The following PCSK9 variants were observed in gnomAD, a reference collection of about 807,000 sequenced individuals.
The protein encoded by PCSK9 is convertase subtilisin/kexin type 9 preproprotein.
In PCSK9, 57 loss-of-function variants were observed where a neutral mutation model predicts 62.1. The ratio of observed to expected loss-of-function variants is 0.92; its 90% CI spans 0.74 to 1.14. The LOEUF (loss-of-function observed/expected upper bound fraction) is 1.14. Among genes scored for constraint, PCSK9 ranks in the 50% most tolerant of loss-of-function variants. PCSK9 has a pLI of 0.00. For missense variants in PCSK9, 870 were observed against 959.8 expected (o/e 0.91, Z 1.24); for synonymous variants, 387 against 409.4 (o/e 0.95, Z 0.66).
Position 55,058,483 on chromosome 1 carries a change from C to G in PCSK9, c.1355-16C>G, listed in dbSNP as rs28385713. 3.3e-5 allele frequency: 53 copies of G among 1,612,114 alleles called. No individual in the cohort carries two copies. The Admixed American group carries it at 6.3e-4, about 19-fold the overall frequency. On this transcript the variant is annotated splice_polypyrimidine_tract_variant and intron_variant, in intron 8 of 11. Transcript: ENST00000302118. Reference sequence around the variant, plus strand: ...CACTCCCAGCACCCCCTCCTCATCCCAGGCCCTTTTTGCAGGTTGGCAGCT... The same window carrying G: ...CACTCCCAGCACCCCCTCCTCATCCGAGGCCCTTTTTGCAGGTTGGCAGCT...
chr1:55,049,827 G>A (rs1484760340), intron 3 of PCSK9, among the ~76,000 whole-genome samples: 1 of 152,236 alleles, frequency 6.6e-6, no homozygotes, highest in Non-Finnish European at 1.5e-5. Context: ...TCCATCTGCC[G>A]CTGGGGCCAC....
intron 5 of PCSK9, among the ~76,000 whole-genome samples, chr1:55,053,376 C>T (rs957036567): frequency 2.0e-5 from 3 of 152,206 alleles, no homozygotes; most frequent in Admixed American, 2.0e-4. Context: ...CTCTCCCTTA[C>T]TGACTTCCTT....
intron 3 of PCSK9, among the ~76,000 whole-genome samples, chr1:55,047,640 C>G (rs1368578532): frequency 6.6e-6 from 1 of 152,148 alleles, no homozygotes; most frequent in Non-Finnish European, 1.5e-5. Context: ...TTGCATACAC[C>G]CAAACTGTGT....
chr1:55,044,225 C>T (rs569539201), intron 2 of PCSK9, among the ~76,000 whole-genome samples, 191 bp downstream of exon 2: 70 of 152,294 alleles, frequency 4.6e-4, no homozygotes, highest in Non-Finnish European at 4.6e-4. Flanking sequence ...CCTGGCCATG[C>T]CCCAGTGGTA....
chr1:55,057,135 C>T (rs1644721463), intron 6 of PCSK9, among the ~76,000 whole-genome samples, 196 bp from the exon 7 acceptor site: 1 of 152,202 alleles, frequency 6.6e-6, no homozygotes, highest in South Asian at 2.1e-4. Context: ...ATGGTAGGGA[C>T]AGAGGGGAGC....
chr1:55,044,297 G>A (rs544937913), intron 2 of PCSK9, among the ~76,000 whole-genome samples: 1 of 152,344 alleles, frequency 6.6e-6, no homozygotes, highest in African/African-American at 2.4e-5. Context: ...CAGACAGCTA[G>A]GGGTAGAGCC....
intron 10 of PCSK9, 31 bp from the exon 11 acceptor site, chr1:55,061,344 T>G: frequency 6.3e-7 from 1 of 1,587,864 alleles, no homozygotes; most frequent in South Asian, 1.2e-5. Flanking sequence ...TCCCAGCATT[T>G]CACATCTGAG....
In PCSK9 at chr1:55,061,375, G is replaced by A. The variant is rs1644757298; in HGVS notation, c.1682G>A (p.Gly561Asp). The A allele has an allele frequency of 1.9e-6, 3 of 1,605,610 alleles. No homozygotes were observed. The highest frequency in any genetic ancestry group is 1.1e-5 in the South Asian group (1 of 88,900). ...CTGAGCTGGCTTTCCTCTGCCCCAG[G>A]CTGCAGCTCCCACTGGGAGGTGGAG... The part of the protein sequence containing the change: ...HCHQQGHVLT[G>D]CSSHWEVEDL... The change falls in exon 11 of 12, where the codon GGC (glycine) becomes GAC (aspartate). Residue 561 changes from glycine (G) to aspartate (D), a missense_variant and splice_region_variant. By Grantham distance (94) the Gly-to-Asp change is moderately conservative. Transcript: ENST00000302118.
rs17111555 is a variant in PCSK9 at position 55,063,929 on chromosome 1, C to T, written c.*345C>T. ...AATGACTTTTATTGAGCTCTTGTTCCGTGCCAGGCATTCAATCCTCAGGTC... is the reference window on the plus strand; with the variant it reads ...AATGACTTTTATTGAGCTCTTGTTCTGTGCCAGGCATTCAATCCTCAGGTC... On this transcript the variant is annotated 3_prime_UTR_variant, in exon 12 of 12. Transcript: ENST00000302118. The T allele has an allele frequency of 0.016, 5,061 of 324,010 alleles. 125 individuals carry two copies. Among genetic ancestry groups the T allele is most frequent in the African/African-American group, 0.061 (2,911 of 47,732 alleles). 20.1% of individuals were successfully genotyped at this position (324,010 alleles called of 1,614,324 possible).
At position 55,058,648 on chromosome 1, in the gene PCSK9, G is replaced by A; in HGVS notation, c.1503+1G>A. 2 of 1,608,592 alleles carry A rather than the reference G, an allele frequency of 1.2e-6. No homozygotes were observed. Among genetic ancestry groups the A allele is most frequent in the Non-Finnish European group, 1.7e-6 (2 of 1,178,716 alleles). On this transcript the variant is annotated splice_donor_variant, in intron 9 of 11. Transcript: ENST00000302118. LOFTEE classifies it high-confidence loss of function. ...GAAGCGGCGGGGCGAGCGCATGGAG[G>A]TGACTGTACCCCTCCTTCGTGTGTG...
In PCSK9 at chr1:55,063,819, A is replaced by C; in HGVS notation, c.*235A>C. The stretch of plus-strand genomic sequence containing the variant: ...GAGGTGCCAGGAAGCTCCCTCCCTC[A>C]CTGTGGGGCATTTCACCATTCAAAC... On this transcript the variant is annotated 3_prime_UTR_variant, in exon 12 of 12. Transcript: ENST00000302118. 1.7e-6 allele frequency: 1 copy of C among 585,790 alleles called. No individual in the cohort carries two copies. Among genetic ancestry groups the C allele is most frequent in the Non-Finnish European group, 3.0e-6 (1 of 329,928 alleles). The allele number at this position is 585,790 out of a possible 1,614,324, so 36.3% of individuals were successfully genotyped here. A position where few individuals can be genotyped will look rare whatever the true frequency, so the allele number is the denominator to read the frequency against.
At chr1:55,042,531 G>A in intron 1 of PCSK9, among the ~76,000 whole-genome samples, 1 of 152,136 alleles carries the variant, frequency 6.6e-6, no homozygotes, top group Admixed American at 6.5e-5. Context: ...CTAAGGCTTT[G>A]GGTAAAGGGG....
chr1:55,048,607 G>C (rs961269090), intron 3 of PCSK9, among the ~76,000 whole-genome samples: 4 of 152,168 alleles, frequency 2.6e-5, no homozygotes, highest in Non-Finnish European at 5.9e-5. Flanking sequence ...GGAGCTGTTG[G>C]GCTGGCATGG....
rs1013576328 is a variant in PCSK9 at position 55,051,335 on chromosome 1, G to A, written c.524-943G>A. On this transcript the variant is annotated intron_variant, in intron 3 of 11. Coordinates refer to ENST00000302118, the MANE Select transcript of PCSK9 (RefSeq NM_174936.4). ...TTCCACCTGAGGCCCTGCTTTTCCT[G>A]GCTGCAGGGGTTCCAGGGCCAGGCC... 6 of 377,704 alleles carry A rather than the reference G, an allele frequency of 1.6e-5. No individual in the cohort carries two copies. The Admixed American group carries it at 2.1e-4, about 13-fold the overall frequency. The allele number at this position is 377,704 out of a possible 1,614,324, so 23.4% of individuals were successfully genotyped here. A position where few individuals can be genotyped will look rare whatever the true frequency, so the allele number is the denominator to read the frequency against.
chr1:55,042,368 T>C, intron 1 of PCSK9, among the ~76,000 whole-genome samples: 1 of 152,364 alleles, frequency 6.6e-6, no homozygotes, highest in East Asian at 1.9e-4. Context: ...GACATGAGAT[T>C]ATTTTTAATT....
At chr1:55,046,723 C>T (rs753353734) in intron 3 of PCSK9, 77 bp downstream of exon 3, 70 of 1,568,526 alleles carry the variant, frequency 4.5e-5, no homozygotes, top group African/African-American at 3.4e-4. Context: ...GGCCTCCCTG[C>T]TGGTGGTTTC....
At chr1:55,044,524 C>G (rs931377571) in intron 2 of PCSK9, among the ~76,000 whole-genome samples, 2 of 152,172 alleles carry the variant, frequency 1.3e-5, no homozygotes, top group Non-Finnish European at 2.9e-5. Context: ...TCCTGGATGT[C>G]ACATCTTCGG....
chr1:55,060,757 C>T (rs770604249), intron 10 of PCSK9, among the ~76,000 whole-genome samples: 1 of 152,204 alleles, frequency 6.6e-6, no homozygotes, highest in Non-Finnish European at 1.5e-5. Flanking sequence ...CGAGCCCTTG[C>T]AGCTAGGACA....
chr1:55,048,485 G>T (rs41294823), intron 3 of PCSK9, among the ~76,000 whole-genome samples: 11,683 of 152,286 alleles, frequency 0.077, 634 homozygotes, highest in Non-Finnish European at 0.12. Flanking sequence ...CCCATGGATT[G>T]CCCCCCTTCC....
Sources: gnomAD v4.1 joint callset for allele counts (sites outside exome capture counted in the v4.1 genomes callset) on GRCh38, gnomAD v4.1.1 for gene constraint, MANE v1.5 for transcripts, NCBI Gene and HGNC (gene_info 2026-07-23, HGNC 2026-07-21) for gene names.